Variants in PPP1R12A observed in about 807,000 individuals in gnomAD.
The protein encoded by PPP1R12A is myosin binding subunit.
PPP1R12A carries 19 observed loss-of-function variants against 139.6 expected under a neutral mutation model. That is an observed-to-expected ratio of 0.14 (90% CI 0.09 to 0.20). The LOEUF (loss-of-function observed/expected upper bound fraction) is 0.20, where lower values mean the gene tolerates loss of function less well. PPP1R12A is among the 10% of genes least tolerant of loss of function. The pLI, the probability that PPP1R12A is intolerant of heterozygous loss-of-function variation, is 1.00. For synonymous variants in PPP1R12A, 427 were observed against 420.6 expected (o/e 1.02, Z -0.19); for missense variants, 925 against 1,211.5 (o/e 0.76, Z 3.51).
At chr12:79,891,019 AT>A (rs1214040792) in intron 1 of PPP1R12A, among the ~76,000 whole-genome samples, 6 of 151,298 alleles carry the variant, frequency 4.0e-5, no homozygotes, top group African/African-American at 9.7e-5. Context: ...GAGAAGGGAA[AT>A]TTTTTTTGTC....
Position 79,809,992 on chromosome 12 carries a change from T to G in PPP1R12A, c.1258A>C (p.Lys420Gln), listed in dbSNP as rs776833095. ...PIKKFPTTAT[K>Q]ISPKEEERKD... ...CTCTCTTCTTCTTTGGGAGAAATTT[T>G]TGTAGCTGTGGTTGGAAACTGTGTT... Residue 420 changes from lysine to glutamine, a missense_variant, in exon 10 of 25, where the codon AAA becomes CAA. Physicochemically the swap from Lys to Gln is moderately conservative, Grantham distance 53 (BLOSUM62 1). Coordinates refer to ENST00000450142, the MANE Select transcript of PPP1R12A (RefSeq NM_002480.3). 1 of 1,612,348 alleles carries G rather than the reference T, an allele frequency of 6.2e-7. No homozygotes were observed. The highest frequency in any genetic ancestry group is 1.7e-5 in the Admixed American group (1 of 59,790).
At chr12:79,899,929 T>C (rs1885480584) in intron 1 of PPP1R12A, among the ~76,000 whole-genome samples, 1 of 152,186 alleles carries the variant, frequency 6.6e-6, no homozygotes, top group Non-Finnish European at 1.5e-5. Flanking sequence ...ACATCTCCCC[T>C]TTTTTGAATA....
chr12:79,794,467 T>C (rs183872802), intron 18 of PPP1R12A, among the ~76,000 whole-genome samples: 18 of 152,128 alleles, frequency 1.2e-4, no homozygotes, highest in Admixed American at 1.1e-3. Context: ...CAAATGACAA[T>C]GTTATTTGTT....
chr12:79,912,709 GAAGA>G (rs1404570036), intron 1 of PPP1R12A, among the ~76,000 whole-genome samples: 3 of 146,508 alleles, frequency 2.0e-5, no homozygotes, highest in Non-Finnish European at 4.5e-5. Context: ...AAAAAAAAAA[GAAGA>G]AATAAAATTA....
intron 2 of PPP1R12A, chr12:79,849,033 T>G (rs1052964593): frequency 6.6e-6 from 1 of 152,094 alleles, no homozygotes; most frequent in Non-Finnish European, 1.5e-5. Flanking sequence ...ATCTAATTTA[T>G]AAAATAACTT....
chr12:79,930,293 C>T (rs1364445492), intron 1 of PPP1R12A, among the ~76,000 whole-genome samples: 1 of 151,974 alleles, frequency 6.6e-6, no homozygotes, highest in East Asian at 1.9e-4. Flanking sequence ...ATAAAGGATA[C>T]AACACAATGG....
At chr12:79,819,860 G>T (rs1227732680) in intron 8 of PPP1R12A, among the ~76,000 whole-genome samples, 1 of 151,784 alleles carries the variant, frequency 6.6e-6, no homozygotes, top group Non-Finnish European at 1.5e-5. Flanking sequence ...CTTGAACCCA[G>T]GAGTTTGAGA....
chr12:79,919,561 A>G (rs975986194), intron 1 of PPP1R12A, among the ~76,000 whole-genome samples: 10 of 152,072 alleles, frequency 6.6e-5, no homozygotes, highest in Non-Finnish European at 1.0e-4. Context: ...TCTCAAAAAA[A>G]AAAAAAAAGT....
chr12:79,907,001 G>A (rs1886182815), intron 1 of PPP1R12A, among the ~76,000 whole-genome samples: 1 of 152,042 alleles, frequency 6.6e-6, no homozygotes, highest in Admixed American at 6.5e-5. Context: ...AATTATCTCA[G>A]TAAATCTCTT....
At chr12:79,865,190 T>C (rs1881825600) in intron 2 of PPP1R12A, among the ~76,000 whole-genome samples, 1 of 151,980 alleles carries the variant, frequency 6.6e-6, no homozygotes, top group Non-Finnish European at 1.5e-5. Context: ...ACGTAATCCA[T>C]CACATAAACA....
At chr12:79,914,876 A>C (rs73138675) in intron 1 of PPP1R12A, among the ~76,000 whole-genome samples, 1 of 151,980 alleles carries the variant, frequency 6.6e-6, no homozygotes, top group African/African-American at 2.4e-5. Flanking sequence ...AAAAATCTGG[A>C]TTTGTTAGAA....
intron 1 of PPP1R12A, among the ~76,000 whole-genome samples, chr12:79,925,146 G>C (rs531541300): frequency 6.6e-6 from 1 of 152,082 alleles, no homozygotes; most frequent in Non-Finnish European, 1.5e-5. Flanking sequence ...AGTGTTCCAT[G>C]CAAGAATATA....
At chr12:79,784,568 A>G (rs1166530149) in intron 22 of PPP1R12A, among the ~76,000 whole-genome samples, 1 of 152,228 alleles carries the variant, frequency 6.6e-6, no homozygotes, top group African/African-American at 2.4e-5. Flanking sequence ...CAGAGAAGGC[A>G]TTAAGTAGCG....
At chr12:79,831,056 A>C (rs1255863093) in intron 4 of PPP1R12A, among the ~76,000 whole-genome samples, 1 of 152,180 alleles carries the variant, frequency 6.6e-6, no homozygotes, top group Non-Finnish European at 1.5e-5. Context: ...ACTATTTTGC[A>C]ATATAACTCA....
In PPP1R12A at chr12:79,896,512, T is replaced by C. The variant is rs193202875; in HGVS notation, c.238-23574A>G. ...TTTCCCAGCTGATTTTTGTATTTTT[T>C]TGTAGAGACAGGTGTTCGCCACATT... is the stretch of plus-strand genomic sequence containing the variant. On this transcript the variant is annotated intron_variant, in intron 1 of 24. Coordinates refer to ENST00000450142, the MANE Select transcript of PPP1R12A (RefSeq NM_002480.3). Among the ~76,000 whole-genome samples the C allele has an allele frequency of 1.9e-4, 29 of 152,104 alleles. No individual in the cohort carries two copies. The South Asian group carries it at 2.3e-3, about 12-fold the overall frequency.
chr12:79,934,874 A>G lies in PPP1R12A; in HGVS notation c.58T>C (p.Ser20Pro). 6.2e-7 allele frequency: 1 copy of G among 1,610,846 alleles called. No homozygotes were observed. Among genetic ancestry groups the G allele is most frequent in the East Asian group, 2.2e-5 (1 of 44,720 alleles). Residue 20 changes from serine to proline, a missense_variant, in exon 1 of 25, where the codon TCC (serine) becomes CCC (proline). Transcript: ENST00000450142. ...RNEQLKRWIGSETDLEPPVVK... is the reference protein window; with the variant it reads ...RNEQLKRWIGPETDLEPPVVK... Reference sequence around the variant, plus strand: ...ACCGGAGGCTCGAGGTCCGTCTCGGAGCCGATCCAGCGTTTCAGCTGCTCG... The same window carrying G: ...ACCGGAGGCTCGAGGTCCGTCTCGGGGCCGATCCAGCGTTTCAGCTGCTCG...
At chr12:79,850,925 A>G (rs1194722192) in intron 2 of PPP1R12A, among the ~76,000 whole-genome samples, 1 of 152,146 alleles carries the variant, frequency 6.6e-6, no homozygotes, top group Non-Finnish European at 1.5e-5. Context: ...TTCCCCTGCC[A>G]TGCTTCCTGT....
In PPP1R12A at chr12:79,775,918, T is replaced by C. The variant is rs774297224; in HGVS notation, c.*11A>G. On this transcript the variant is annotated 3_prime_UTR_variant, in exon 25 of 25. Coordinates refer to ENST00000450142, the MANE Select transcript of PPP1R12A (RefSeq NM_002480.3). Reference sequence around the variant, plus strand: ...TATGTGCAATTCCATTACTTGCTGCTTTTTTTTTTTTTATTTGGAAAGTTT... The same window carrying C: ...TATGTGCAATTCCATTACTTGCTGCCTTTTTTTTTTTTATTTGGAAAGTTT... The C allele has an allele frequency of 3.0e-5, 7 of 231,992 alleles. No homozygotes were observed. The highest frequency in any genetic ancestry group is 1.7e-4 in the African/African-American group (7 of 41,012). The allele number at this position is 231,992 out of a possible 1,614,324, so 14.4% of individuals were successfully genotyped here. A position where few individuals can be genotyped will look rare whatever the true frequency, so the allele number is the denominator to read the frequency against.
chr12:79,796,943 T>A lies in PPP1R12A; in HGVS notation c.2300A>T (p.Gln767Leu), dbSNP rs1482138960. The A allele has an allele frequency of 8.7e-6, 14 of 1,604,026 alleles. No homozygotes were observed. Among genetic ancestry groups the A allele is most frequent in the Non-Finnish European group, 1.1e-5 (13 of 1,176,750 alleles). Reference sequence around the variant, plus strand: ...TGAAGTTGATACTGGCCTATAACGCTGGTAAGTCTGTGAAACATTAAGATC... The same window carrying A: ...TGAAGTTGATACTGGCCTATAACGCAGGTAAGTCTGTGAAACATTAAGATC... ...KYSRTYDETYQRYRPVSTSSS... is the reference protein window; with the variant it reads ...KYSRTYDETYLRYRPVSTSSS... The change falls in exon 17 of 25, where the codon CAG (glutamine) becomes CTG (leucine). Residue 767 changes from glutamine to leucine, a missense_variant. Physicochemically the swap from Gln to Leu is moderately radical, Grantham distance 113. Transcript: ENST00000450142.
Sources: gnomAD v4.1 joint callset for allele counts (sites outside exome capture counted in the v4.1 genomes callset) on GRCh38, gnomAD v4.1.1 for gene constraint, MANE v1.5 for transcripts, NCBI Gene and HGNC (gene_info 2026-07-23, HGNC 2026-07-21) for gene names.